The following CACUL1 variants were observed in gnomAD, a reference collection of about 807,000 sequenced individuals.
The protein encoded by CACUL1 is CDK2 associated cullin domain 1.
A neutral mutation model predicts 45.2 loss-of-function variants in CACUL1; 13 were observed. The ratio of observed to expected loss-of-function variants is 0.29; its 90% CI spans 0.19 to 0.46. The LOEUF (loss-of-function observed/expected upper bound fraction) is 0.46, where lower values mean the gene tolerates loss of function less well. CACUL1 is among the 20% of genes least tolerant of loss of function. CACUL1 has a pLI of 1.00. For missense variants in CACUL1, 421 were observed against 471.4 expected (o/e 0.89, Z 0.99); for synonymous variants, 197 against 174.2 (o/e 1.13, Z -1.03).
At chr10:118,735,534 C>A (rs1468652383) in intron 1 of CACUL1, among the ~76,000 whole-genome samples, 1 of 152,222 alleles carries the variant, frequency 6.6e-6, no homozygotes, top group Non-Finnish European at 1.5e-5. Context: ...CCAGATAATT[C>A]TTACGCCTGT....
intron 5 of CACUL1, 95 bp downstream of exon 5, chr10:118,701,211 T>C: frequency 3.3e-6 from 2 of 605,384 alleles, no homozygotes; most frequent in Admixed American, 2.9e-5. Context: ...ATGTTAACAT[T>C]GGGGTTTACG....
rs1437162733 is a variant in CACUL1 at position 118,708,714 on chromosome 10, C to T, written c.598-1127G>A. Among the ~76,000 whole-genome samples the T allele has an allele frequency of 2.0e-5, 3 of 151,814 alleles. No homozygotes were observed. In the East Asian group the frequency reaches 5.8e-4, roughly 29 times the overall value. ...TTAGTGTCCCTAGATGAAGAAACAC[C>T]AGAACGCTCAGGTTCTCGCTCCTCC... is the stretch of plus-strand genomic sequence containing the variant. On this transcript the variant is annotated intron_variant, in intron 3 of 8. Transcript: ENST00000369151.
At chr10:118,686,673 G>A (rs1156445076) in intron 7 of CACUL1, 32 bp from the exon 8 acceptor site, 11 of 1,538,970 alleles carry the variant, frequency 7.1e-6, no homozygotes, top group Non-Finnish European at 9.9e-6. Flanking sequence ...CAACAAAACT[G>A]ACTTCACATC....
chr10:118,710,332 G>A (rs1845473189), intron 3 of CACUL1, among the ~76,000 whole-genome samples: 1 of 152,146 alleles, frequency 6.6e-6, no homozygotes, highest in South Asian at 2.1e-4. Flanking sequence ...CAGTTCTACA[G>A]TGAATAAACC....
chr10:118,731,402 A>G (rs1056814858), intron 1 of CACUL1, among the ~76,000 whole-genome samples: 2 of 152,174 alleles, frequency 1.3e-5, no homozygotes, highest in Non-Finnish European at 2.9e-5. Context: ...TCCACACCTT[A>G]GTCATCCAGG....
chr10:118,752,585 A>G (rs1042094469), intron 1 of CACUL1, among the ~76,000 whole-genome samples: 13 of 152,208 alleles, frequency 8.5e-5, no homozygotes, highest in Admixed American at 5.2e-4. Context: ...AAACAGACCT[A>G]TAATTTTCTC....
chr10:118,701,580 C>T (rs983853162), intron 4 of CACUL1, among the ~76,000 whole-genome samples, 172 bp from the exon 5 acceptor site: 2 of 152,122 alleles, frequency 1.3e-5, no homozygotes, highest in African/African-American at 4.8e-5. Flanking sequence ...GTCTTTCTGG[C>T]ACGGGGTGGA....
chr10:118,737,274 A>G (rs1413685142), intron 1 of CACUL1, among the ~76,000 whole-genome samples: 1 of 152,150 alleles, frequency 6.6e-6, no homozygotes, highest in Non-Finnish European at 1.5e-5. Context: ...AAGTTTCTAA[A>G]TTTTAGGGTT....
chr10:118,736,735 T>C (rs1313400596), intron 1 of CACUL1, among the ~76,000 whole-genome samples: 2 of 152,188 alleles, frequency 1.3e-5, no homozygotes, highest in Non-Finnish European at 2.9e-5. Context: ...CTTTCACTCA[T>C]GCCACTCACC....
Position 118,701,367 on chromosome 10 carries a change from T to C in CACUL1, c.735A>G (p.Lys245=). Residue 245 remains lysine (K), a synonymous_variant, in exon 5 of 9, where the codon AAA becomes AAG. Transcript: ENST00000369151. ...YIETKLNRDL[K]DDLIKLFTEH... Reference sequence around the variant, plus strand: ...CCGTAAACAGCTTTATAAGGTCATCTTTTAAGTCTCTGTTAAGCTTGGTTT... The same window carrying C: ...CCGTAAACAGCTTTATAAGGTCATCCTTTAAGTCTCTGTTAAGCTTGGTTT... 6.3e-7 allele frequency: 1 copy of C among 1,578,524 alleles called. No homozygotes were observed. Among genetic ancestry groups the C allele is most frequent in the Non-Finnish European group, 8.7e-7 (1 of 1,154,268 alleles).
rs982991431 is a variant in CACUL1, at chr10:118,684,428, T to A, written c.*1700A>T. On this transcript the variant is annotated 3_prime_UTR_variant, in exon 9 of 9. Transcript: ENST00000369151. ...ATGTTACCAGTGTAGCAACTTAAAC[T>A]GTCCAGGTCATAGTGAGAGCCTGTC... The A allele has an allele frequency of 4.6e-5, 7 of 152,242 alleles. No homozygotes were observed. Among genetic ancestry groups the A allele is most frequent in the Admixed American group, 6.5e-5 (1 of 15,274 alleles). 9.4% of individuals were successfully genotyped at this position (152,242 alleles called of 1,614,324 possible). A position where few individuals can be genotyped will look rare whatever the true frequency, so the allele number is the denominator to read the frequency against.
At chr10:118,745,119 A>G (rs892305633) in intron 1 of CACUL1, among the ~76,000 whole-genome samples, 1 of 152,250 alleles carries the variant, frequency 6.6e-6, no homozygotes, top group Non-Finnish European at 1.5e-5. Flanking sequence ...ATTATAAGTA[A>G]AGTAGTCTAA....
chr10:118,710,869 A>T (rs1845477526), intron 3 of CACUL1, among the ~76,000 whole-genome samples: 1 of 152,224 alleles, frequency 6.6e-6, no homozygotes, highest in African/African-American at 2.4e-5. Flanking sequence ...AGGCTGTATG[A>T]CATTAGGGAA....
At chr10:118,726,456 G>T in intron 3 of CACUL1, 1 of 453,974 alleles carries the variant, frequency 2.2e-6, no homozygotes, top group Non-Finnish European at 3.7e-6. Context: ...TCAAGGAAGG[G>T]CCTGTGAAGT....
At chr10:118,743,546 T>C (rs1249832458) in intron 1 of CACUL1, among the ~76,000 whole-genome samples, 1 of 152,110 alleles carries the variant, frequency 6.6e-6, no homozygotes, top group African/African-American at 2.4e-5. Context: ...CTGGCCAACA[T>C]GGTGAAACCC....
chr10:118,681,084 C>T lies in CACUL1; in HGVS notation c.*5044G>A, dbSNP rs1845148741. 6.6e-6 allele frequency: 1 copy of T among 152,200 alleles called. No individual in the cohort carries two copies. The highest frequency in any genetic ancestry group is 1.5e-5 in the Non-Finnish European group (1 of 68,034). The allele number at this position is 152,200 out of a possible 1,614,324, so 9.4% of individuals were successfully genotyped here. ...AGTGATTCAGAACCCACCAAAAGAT[C>T]AAGAGCCAAAGTCAGTGGCTTTGTA... On this transcript the variant is annotated 3_prime_UTR_variant, in exon 9 of 9. Transcript: ENST00000369151.
rs766850270 is a variant in CACUL1 at position 118,730,249 on chromosome 10, C to A, written c.494+35G>T. On this transcript the variant is annotated intron_variant, in intron 2 of 8. Coordinates refer to ENST00000369151, the MANE Select transcript of CACUL1 (RefSeq NM_153810.5). Reference sequence around the variant, plus strand: ...TCAAGTGCCTTGAACCTTAGTATACCCTTTCAAACCCAAGCAAATTAAATC... The same window carrying A: ...TCAAGTGCCTTGAACCTTAGTATACACTTTCAAACCCAAGCAAATTAAATC... The A allele has an allele frequency of 8.7e-6, 14 of 1,608,942 alleles. No individual in the cohort carries two copies. The South Asian group carries it at 1.2e-4, about 14-fold the overall frequency.
intron 1 of CACUL1, among the ~76,000 whole-genome samples, chr10:118,735,374 T>A (rs922137715): frequency 2.0e-5 from 3 of 152,198 alleles, no homozygotes; most frequent in Non-Finnish European, 2.9e-5. Flanking sequence ...TTACTTTCTA[T>A]CAGTGCCTCA....
At chr10:118,744,441 G>C (rs1451670108) in intron 1 of CACUL1, among the ~76,000 whole-genome samples, 2 of 152,126 alleles carry the variant, frequency 1.3e-5, no homozygotes, top group Non-Finnish European at 1.5e-5. Context: ...GGTAAACCCA[G>C]AGAGACAGAA....
Sources: gnomAD v4.1 joint callset for allele counts (sites outside exome capture counted in the v4.1 genomes callset) on GRCh38, gnomAD v4.1.1 for gene constraint, MANE v1.5 for transcripts, NCBI Gene and HGNC (gene_info 2026-07-23, HGNC 2026-07-21) for gene names.